Variants in AFF3 observed in about 807,000 individuals in gnomAD.
The protein encoded by AFF3 is AF4/FMR2 family member 3.
Under a neutral mutation model 129.7 loss-of-function variants are expected in AFF3, and 32 were observed. That is an observed-to-expected ratio of 0.25 (90% CI 0.19 to 0.33). AFF3 has a LOEUF of 0.33. Ranked by LOEUF, AFF3 falls within the 10% of genes least tolerant of loss-of-function variation. The pLI is 1.00. For synonymous variants in AFF3, 644 were observed against 635.4 expected (o/e 1.01, Z -0.20); for missense variants, 1,373 against 1,592.0 (o/e 0.86, Z 2.34).
intron 4 of AFF3, among the ~76,000 whole-genome samples, chr2:100,043,493 C>T (rs1431473027): frequency 6.6e-6 from 1 of 152,098 alleles, no homozygotes; most frequent in Non-Finnish European, 1.5e-5. Flanking sequence ...GAATTCCATA[C>T]ATGGGGAGAC....
intron 18 of AFF3, among the ~76,000 whole-genome samples, chr2:99,571,646 C>T (rs1235365666): frequency 2.0e-5 from 3 of 152,212 alleles, no homozygotes; most frequent in South Asian, 2.1e-4. Context: ...GGCCACTTAA[C>T]GAACACATTT....
chr2:99,942,057 C>A (rs1290992013), intron 7 of AFF3, among the ~76,000 whole-genome samples: 1 of 152,210 alleles, frequency 6.6e-6, no homozygotes, highest in Non-Finnish European at 1.5e-5. Flanking sequence ...ACCAATCAAT[C>A]ATTGAAAGAT....
intron 4 of AFF3, among the ~76,000 whole-genome samples, chr2:100,059,229 G>A (rs1313585392): frequency 1.7e-5 from 2 of 120,556 alleles, no homozygotes; most frequent in Admixed American, 2.0e-4. Flanking sequence ...CTCCAGCCTG[G>A]GCAACAGAAG....
At chr2:99,710,509 AGT>A (rs1164066643) in intron 11 of AFF3, among the ~76,000 whole-genome samples, 1 of 152,136 alleles carries the variant, frequency 6.6e-6, no homozygotes, top group Non-Finnish European at 1.5e-5. Flanking sequence ...AGCCTTCCAA[AGT>A]GTTGGTATTA....
At chr2:99,645,561 G>A (rs1271833932) in intron 13 of AFF3, among the ~76,000 whole-genome samples, 15 of 152,036 alleles carry the variant, frequency 9.9e-5, no homozygotes, top group Admixed American at 3.3e-4. Flanking sequence ...GGCGGGAGGC[G>A]CAAGTGAGTG....
chr2:100,128,774 C>A (rs1692304316), intron 2 of AFF3, among the ~76,000 whole-genome samples: 1 of 152,202 alleles, frequency 6.6e-6, no homozygotes, highest in Non-Finnish European at 1.5e-5. Context: ...AGGAATGGCC[C>A]TGTCAAAAGG....
At chr2:99,939,861 G>C (rs544343705) in intron 7 of AFF3, among the ~76,000 whole-genome samples, 6 of 152,190 alleles carry the variant, frequency 3.9e-5, no homozygotes, top group African/African-American at 1.4e-4. Flanking sequence ...CGCTGGGATA[G>C]TTTTAAAGTT....
intron 8 of AFF3, among the ~76,000 whole-genome samples, chr2:99,801,240 C>G (rs973676462): frequency 6.6e-6 from 1 of 152,144 alleles, no homozygotes; most frequent in Non-Finnish European, 1.5e-5. Flanking sequence ...AAGCTCCCAG[C>G]AAGGTTTCTT....
At chr2:99,707,526 T>C (rs891351426) in intron 11 of AFF3, 5 of 985,056 alleles carry the variant, frequency 5.1e-6, no homozygotes, top group Non-Finnish European at 6.0e-6. Context: ...TGAAGTTAGG[T>C]AGCCTTCTTT....
At chr2:99,892,707 C>A (rs1460937360) in intron 7 of AFF3, among the ~76,000 whole-genome samples, 1 of 152,226 alleles carries the variant, frequency 6.6e-6, no homozygotes, top group Non-Finnish European at 1.5e-5. Context: ...CCCTTCAGAG[C>A]AGGCCCACTG....
At chr2:99,916,110 G>GA (rs537598377) in intron 7 of AFF3, among the ~76,000 whole-genome samples, 181 of 152,206 alleles carry the variant, frequency 1.2e-3, no homozygotes, top group Non-Finnish European at 2.1e-3. Context: ...ATAAAACTGG[G>GA]AAAAACCCCA....
At chr2:99,678,640 T>C (rs1274535385) in intron 11 of AFF3, among the ~76,000 whole-genome samples, 1 of 152,250 alleles carries the variant, frequency 6.6e-6, no homozygotes, top group Non-Finnish European at 1.5e-5. Flanking sequence ...ATTTTCAGAT[T>C]TGTTTCTATA....
At chr2:99,690,249 C>T (rs547913815) in intron 11 of AFF3, among the ~76,000 whole-genome samples, 3 of 149,022 alleles carry the variant, frequency 2.0e-5, no homozygotes, top group Non-Finnish European at 3.0e-5. Flanking sequence ...GGCGCGATCT[C>T]GGCTCACTGC....
intron 13 of AFF3, chr2:99,630,950 G>C: frequency 6.9e-6 from 3 of 436,526 alleles, no homozygotes; most frequent in South Asian, 5.1e-5. Flanking sequence ...AGAACACAGG[G>C]TTTCAATGGT....
At chr2:100,140,390 A>G (rs1041006415) in intron 1 of AFF3, among the ~76,000 whole-genome samples, 2 of 151,946 alleles carry the variant, frequency 1.3e-5, no homozygotes, top group African/African-American at 4.8e-5. Flanking sequence ...TGTTTCTTAA[A>G]CTCTCTGAAA....
At chr2:99,760,213 GT>G (rs1186486345) in intron 8 of AFF3, among the ~76,000 whole-genome samples, 2 of 152,148 alleles carry the variant, frequency 1.3e-5, no homozygotes, top group Non-Finnish European at 2.9e-5. Flanking sequence ...ATGGGGAAGA[GT>G]TTTTTAAATA....
At chr2:99,885,762 T>G (rs945834306) in intron 7 of AFF3, among the ~76,000 whole-genome samples, 1 of 152,166 alleles carries the variant, frequency 6.6e-6, no homozygotes, top group African/African-American at 2.4e-5. Flanking sequence ...ATCATACTCT[T>G]GGTTGGCAGA....
chr2:99,723,926 C>T (rs370873654), intron 11 of AFF3, among the ~76,000 whole-genome samples: 27 of 152,210 alleles, frequency 1.8e-4, no homozygotes, highest in South Asian at 4.2e-4. Flanking sequence ...TGGGAGGAGA[C>T]GGTCACCTAC....
rs184054854 is a variant in AFF3, at chr2:99,768,640, G to C, written c.922-16339C>G. On this transcript the variant is annotated intron_variant, in intron 8 of 24. Coordinates refer to ENST00000672756, the MANE Select transcript of AFF3 (RefSeq NM_001386135.1). ...GGCTCATTAATGTCTTTTTCTTTCA[G>C]ATTAAATATCTCCCTTCAGCATTTC... Among the ~76,000 whole-genome samples, 641 of 152,242 alleles carry C rather than the reference G, an allele frequency of 4.2e-3. 4 individuals are homozygous for C. Among genetic ancestry groups the C allele is most frequent in the Non-Finnish European group, 7.8e-3 (533 of 68,014 alleles).
Sources: gnomAD v4.1 joint callset for allele counts (sites outside exome capture counted in the v4.1 genomes callset) on GRCh38, gnomAD v4.1.1 for gene constraint, MANE v1.5 for transcripts, NCBI Gene and HGNC (gene_info 2026-07-23, HGNC 2026-07-21) for gene names.